The following GPR39 variants were observed in gnomAD, a reference collection of about 807,000 sequenced individuals.
GPR39 encodes the protein G protein-coupled receptor 39.
Under a neutral mutation model 18.4 loss-of-function variants are expected in GPR39, and 23 were observed. The observed-to-expected ratio is 1.25, with a 90% CI of 0.90 to 1.77. GPR39 has a LOEUF of 1.77. Ranked by LOEUF, GPR39 falls within the 40% of genes most tolerant of loss-of-function variation. The pLI is 0.00. For synonymous variants in GPR39, 280 were observed against 257.9 expected (o/e 1.09, Z -0.82); for missense variants, 647 against 602.4 (o/e 1.07, Z -0.78).
intron 1 of GPR39, among the ~76,000 whole-genome samples, chr2:132,558,153 T>C (rs1680188702): frequency 6.6e-6 from 1 of 152,062 alleles, no homozygotes; most frequent in South Asian, 2.1e-4. Flanking sequence ...AGGCAGAATG[T>C]GACCCCTACA....
intron 1 of GPR39, among the ~76,000 whole-genome samples, chr2:132,643,892 G>T (rs1174523698): frequency 6.6e-6 from 1 of 152,108 alleles, no homozygotes; most frequent in African/African-American, 2.4e-5. Context: ...ACTTCCCTAG[G>T]GTTTCTAGAA....
At chr2:132,487,609 A>T (rs1340334903) in intron 1 of GPR39, among the ~76,000 whole-genome samples, 1 of 152,194 alleles carries the variant, frequency 6.6e-6, no homozygotes, top group Non-Finnish European at 1.5e-5. Context: ...AACCAAGTTA[A>T]AATTTTAGAA....
At chr2:132,637,803 T>C (rs1244779926) in intron 1 of GPR39, among the ~76,000 whole-genome samples, 1 of 152,198 alleles carries the variant, frequency 6.6e-6, no homozygotes, top group Non-Finnish European at 1.5e-5. Flanking sequence ...CTGCCTTCCG[T>C]TGACAAACTC....
intron 1 of GPR39, among the ~76,000 whole-genome samples, chr2:132,440,156 A>G (rs915614951): frequency 6.6e-6 from 1 of 152,194 alleles, no homozygotes; most frequent in Admixed American, 6.5e-5. Context: ...ATGGTAGGTC[A>G]CGGACCCTAG....
chr2:132,495,933 G>T (rs898302211), intron 1 of GPR39, among the ~76,000 whole-genome samples: 1 of 151,916 alleles, frequency 6.6e-6, no homozygotes, highest in Non-Finnish European at 1.5e-5. Flanking sequence ...ACAAGAGAAG[G>T]CCTTCTCTAC....
chr2:132,624,330 C>T (rs1681504704), intron 1 of GPR39, among the ~76,000 whole-genome samples: 1 of 152,224 alleles, frequency 6.6e-6, no homozygotes, highest in Non-Finnish European at 1.5e-5. Context: ...CTGTAATTGC[C>T]TCGTTAAGAC....
At chr2:132,562,948 C>G (rs1573669054) in intron 1 of GPR39, among the ~76,000 whole-genome samples, 1 of 152,232 alleles carries the variant, frequency 6.6e-6, no homozygotes, top group African/African-American at 2.4e-5. Context: ...CTAAATATAG[C>G]AAGTGAAAAT....
intron 1 of GPR39, among the ~76,000 whole-genome samples, chr2:132,582,915 CTTTTTTTTTTTT>C (rs5834320): frequency 3.9e-5 from 4 of 101,600 alleles, no homozygotes; most frequent in Non-Finnish European, 5.7e-5. Context: ...TTCTTTCTTT[CTTTTTTTTTTTT>C]TTTTTTTTTT....
At chr2:132,493,529 C>CACCATATATATATGTATATATAT (rs1558815524) in intron 1 of GPR39, among the ~76,000 whole-genome samples, 3 of 137,962 alleles carry the variant, frequency 2.2e-5, no homozygotes, top group African/African-American at 9.1e-5. Flanking sequence ...TATATATATA[C>CACCATATATATATGTATATATAT]ACACACCATA....
intron 1 of GPR39, among the ~76,000 whole-genome samples, chr2:132,536,889 C>T (rs1383830792): frequency 6.6e-6 from 1 of 152,126 alleles, no homozygotes; most frequent in Non-Finnish European, 1.5e-5. Flanking sequence ...AGGATTGCAA[C>T]CCCTGCTTTT....
At chr2:132,430,271 T>G (rs558500945) in intron 1 of GPR39, among the ~76,000 whole-genome samples, 1 of 152,272 alleles carries the variant, frequency 6.6e-6, no homozygotes, top group Non-Finnish European at 1.5e-5. Flanking sequence ...AAAACCTTTG[T>G]GGGTGGAGCC....
In GPR39 at chr2:132,438,573, CTTTTTTTTTTT is replaced by C. The variant is rs35614907; in HGVS notation, c.856+20690_856+20700del. Among the ~76,000 whole-genome samples the C allele has an allele frequency of 4.1e-5, 4 of 97,766 alleles. No homozygotes were observed. The South Asian group carries it at 1.1e-3, about 27-fold the overall frequency. The allele number at this position is 97,766 out of a possible 152,430, so 64.1% of individuals were successfully genotyped here. ...TCATGATACCTGTAATGTCAGCAAG[CTTTTTTTTTTT>C]TTTTTTTTTTTTTTACATTTTTTTG... On this transcript the variant is annotated intron_variant, in intron 1 of 1. Transcript: ENST00000329321.
At chr2:132,470,840 C>T (rs545297155) in intron 1 of GPR39, among the ~76,000 whole-genome samples, 3 of 152,192 alleles carry the variant, frequency 2.0e-5, no homozygotes, top group East Asian at 3.9e-4. Context: ...GACCTCCCAA[C>T]CCCCACCTGA....
At chr2:132,506,669 T>A (rs1245126905) in intron 1 of GPR39, among the ~76,000 whole-genome samples, 1 of 152,088 alleles carries the variant, frequency 6.6e-6, no homozygotes, top group Non-Finnish European at 1.5e-5. Flanking sequence ...AACCATCAGA[T>A]CTTGTGAGAA....
intron 1 of GPR39, among the ~76,000 whole-genome samples, chr2:132,558,636 C>T (rs921037918): frequency 1.3e-5 from 2 of 152,102 alleles, no homozygotes; most frequent in Non-Finnish European, 2.9e-5. Flanking sequence ...TCTTCAGGGC[C>T]TAACCTGATT....
At chr2:132,615,396 T>C (rs986343537) in intron 1 of GPR39, among the ~76,000 whole-genome samples, 1 of 152,146 alleles carries the variant, frequency 6.6e-6, no homozygotes, top group Admixed American at 6.5e-5. Flanking sequence ...TTGCGTGCCT[T>C]CCTCGCAGGC....
intron 1 of GPR39, among the ~76,000 whole-genome samples, chr2:132,544,641 G>C (rs1199514867): frequency 6.6e-6 from 1 of 152,232 alleles, no homozygotes; most frequent in African/African-American, 2.4e-5. Context: ...CTTACCATGG[G>C]ATCTGCACTC....
intron 1 of GPR39, among the ~76,000 whole-genome samples, chr2:132,580,208 T>C (rs965014890): frequency 3.9e-5 from 6 of 152,232 alleles, no homozygotes; most frequent in Non-Finnish European, 8.8e-5. Context: ...TCAGGATTGT[T>C]TTAAGAATCA....
intron 1 of GPR39, among the ~76,000 whole-genome samples, chr2:132,485,849 ACCT>A (rs961864919): frequency 3.3e-5 from 5 of 151,942 alleles, no homozygotes; most frequent in African/African-American, 1.2e-4. Context: ...TGATATTTTG[ACCT>A]CCTCCCATGA....
Sources: allele counts gnomAD v4.1 joint callset (sites outside exome capture counted in the v4.1 genomes callset), GRCh38; gene constraint gnomAD v4.1.1; transcripts MANE v1.5; gene names NCBI Gene and HGNC (gene_info 2026-07-23, HGNC 2026-07-21).